UNC79: variants seen among roughly 807,000 people sequenced by gnomAD.
The protein encoded by UNC79 is unc-79 subunit of NALCN channel complex, also known as protein unc-79 homolog.
UNC79 carries 37 observed loss-of-function variants against 283.1 expected under a neutral mutation model. That is an observed-to-expected ratio of 0.13 (90% CI 0.10 to 0.17). The LOEUF is 0.17. Ranked by LOEUF, UNC79 falls within the 10% of genes least tolerant of loss-of-function variation. The probability of loss-of-function intolerance (pLI) is 1.00; values close to 1 mark genes in which losing one functional copy is unlikely to be tolerated. For synonymous variants in UNC79, 1,107 were observed against 1,200.2 expected (o/e 0.92, Z 1.61); for missense variants, 2,272 against 3,211.1 (o/e 0.71, Z 7.07).
intron 1 of UNC79, among the ~76,000 whole-genome samples, chr14:93,366,597 G>A (rs140410539): frequency 0.034 from 5,085 of 150,084 alleles, 291 homozygotes; most frequent in African/African-American, 0.12. Context: ...ATTTGAGACA[G>A]GGTTTTACTC....
At chr14:93,529,469 A>T in intron 10 of UNC79, 143 bp downstream of exon 10, 1 of 852,692 alleles carries the variant, frequency 1.2e-6, no homozygotes, top group Non-Finnish European at 1.8e-6. Context: ...ATGAAGCATA[A>T]TATCAATGCC....
intron 48 of UNC79, among the ~76,000 whole-genome samples, chr14:93,706,207 C>CT (rs2075869000): frequency 6.6e-6 from 1 of 152,126 alleles, no homozygotes; most frequent in Admixed American, 6.5e-5. Flanking sequence ...GTTCTGAGCA[C>CT]TTTTTTAACC....
At chr14:93,371,456 A>G (rs533602122) in intron 1 of UNC79, among the ~76,000 whole-genome samples, 3 of 152,156 alleles carry the variant, frequency 2.0e-5, no homozygotes, top group African/African-American at 7.2e-5. Context: ...AGAACACAAC[A>G]CTTAGGCACA....
intron 1 of UNC79, among the ~76,000 whole-genome samples, chr14:93,409,079 T>G (rs759536849): frequency 2.0e-5 from 3 of 152,200 alleles, no homozygotes; most frequent in Non-Finnish European, 4.4e-5. Flanking sequence ...TTATCCAATG[T>G]AGTAAGATTG....
chr14:93,535,703 G>A (rs1204722958), intron 11 of UNC79, among the ~76,000 whole-genome samples: 1 of 152,168 alleles, frequency 6.6e-6, no homozygotes, highest in African/African-American at 2.4e-5. Context: ...ACTGAAACAT[G>A]GTCTCTCCCT....
At chr14:93,564,699 C>T (rs2062770568) in intron 14 of UNC79, among the ~76,000 whole-genome samples, 1 of 150,918 alleles carries the variant, frequency 6.6e-6, no homozygotes, top group South Asian at 2.1e-4. Context: ...GGGGTGGGGC[C>T]GTTTTATAGG....
At chr14:93,406,659 A>G (rs1036649954) in intron 1 of UNC79, among the ~76,000 whole-genome samples, 2 of 152,188 alleles carry the variant, frequency 1.3e-5, no homozygotes, top group Non-Finnish European at 2.9e-5. Flanking sequence ...AAACCTTATG[A>G]TCATCCTAAA....
At chr14:93,586,934 G>T in intron 22 of UNC79, 26 bp downstream of exon 22, 1 of 1,609,330 alleles carries the variant, frequency 6.2e-7, no homozygotes, top group African/African-American at 1.3e-5. Flanking sequence ...GGTTTGTTTT[G>T]ATTGTTTATA....
At chr14:93,404,762 A>G (rs571424175) in intron 1 of UNC79, among the ~76,000 whole-genome samples, 1 of 151,554 alleles carries the variant, frequency 6.6e-6, no homozygotes, top group South Asian at 2.1e-4. Context: ...AATGAAAGAG[A>G]GCAGATTGAG....
chr14:93,357,676 C>CATATATTT (rs1555398743), intron 1 of UNC79, among the ~76,000 whole-genome samples: 5 of 32,348 alleles, frequency 1.5e-4, no homozygotes, highest in Non-Finnish European at 2.8e-4. Flanking sequence ...AATAAACTCC[C>CATATATTT]ATATATATAT....
intron 1 of UNC79, among the ~76,000 whole-genome samples, chr14:93,455,361 T>C (rs1325013135): frequency 6.6e-6 from 1 of 152,218 alleles, no homozygotes; most frequent in East Asian, 1.9e-4. Flanking sequence ...CATCTCCATT[T>C]CTGAATATAT....
chr14:93,682,764 T>C (rs2073944515), intron 42 of UNC79, 70 bp downstream of exon 45: 1 of 1,482,372 alleles, frequency 6.7e-7, no homozygotes, highest in South Asian at 1.2e-5. Flanking sequence ...ATGTAGGCTT[T>C]AGACTTACAT....
intron 29 of UNC79, among the ~76,000 whole-genome samples, chr14:93,620,573 G>C (rs1003618553): frequency 6.6e-6 from 1 of 152,174 alleles, no homozygotes; most frequent in Non-Finnish European, 1.5e-5. Context: ...AAAAGTAGCT[G>C]ACATCTATGT....
Position 93,435,830 on chromosome 14 carries a change from T to C in UNC79, c.22+4779T>C, listed in dbSNP as rs189699706. The stretch of plus-strand genomic sequence containing the variant: ...TACAATGAACTATTTTTTCAGTTCC[T>C]CCAATGCATCATGTTCTTTTTGCCT... On this transcript the variant is annotated intron_variant, in intron 1 of 48. Transcript: ENST00000555664. Among the ~76,000 whole-genome samples the C allele has an allele frequency of 2.6e-5, 4 of 152,342 alleles. No individual in the cohort carries two copies. The East Asian group carries it at 7.7e-4, about 29-fold the overall frequency.
intron 32 of UNC79, 176 bp downstream of exon 35, chr14:93,637,475 C>A: frequency 8.9e-7 from 1 of 1,119,078 alleles, no homozygotes; most frequent in Non-Finnish European, 1.2e-6. Flanking sequence ...TGAACATGGC[C>A]AACAGTTCTT....
intron 1 of UNC79, among the ~76,000 whole-genome samples, chr14:93,382,086 C>T (rs1035925780): frequency 6.6e-6 from 1 of 152,146 alleles, no homozygotes; most frequent in Admixed American, 6.5e-5. Context: ...TTTCCGAATT[C>T]AGAATTCAGT....
At chr14:93,565,131 T>C (rs2062798063) in intron 14 of UNC79, among the ~76,000 whole-genome samples, 1 of 152,166 alleles carries the variant, frequency 6.6e-6, no homozygotes, top group African/African-American at 2.4e-5. Context: ...AGCAATCAAT[T>C]TATCCCCTAG....
intron 14 of UNC79, among the ~76,000 whole-genome samples, chr14:93,548,791 G>C (rs1015187187): frequency 1.3e-4 from 20 of 152,100 alleles, no homozygotes; most frequent in Admixed American, 6.5e-4. Flanking sequence ...TGAATACTTT[G>C]CACACAGAGG....
chr14:93,625,167 C>T (rs984986232), intron 30 of UNC79, among the ~76,000 whole-genome samples: 1 of 152,026 alleles, frequency 6.6e-6, no homozygotes, highest in Non-Finnish European at 1.5e-5. Context: ...GGAAGCCCAG[C>T]TCTCCCTGAG....
Sources: allele counts gnomAD v4.1 joint callset (sites outside exome capture counted in the v4.1 genomes callset), GRCh38; gene constraint gnomAD v4.1.1; transcripts MANE v1.5; gene names NCBI Gene and HGNC (gene_info 2026-07-23, HGNC 2026-07-21).